ANTXR1: variants seen among roughly 807,000 people sequenced by gnomAD.
ANTXR1 encodes ANTXR cell adhesion molecule 1.
ANTXR1 carries 19 observed loss-of-function variants against 78.1 expected under a neutral mutation model. That is an observed-to-expected ratio of 0.24 (90% CI 0.17 to 0.36). The LOEUF (loss-of-function observed/expected upper bound fraction) is 0.36. Among genes scored for constraint, ANTXR1 ranks in the 10% least tolerant of loss-of-function variants. The pLI, the probability that ANTXR1 is intolerant of heterozygous loss-of-function variation, is 1.00. For missense variants in ANTXR1, 518 were observed against 718.6 expected (o/e 0.72, Z 3.19); for synonymous variants, 273 against 260.5 (o/e 1.05, Z -0.46).
intron 14 of ANTXR1, among the ~76,000 whole-genome samples, chr2:69,175,928 T>C (rs1202017264): frequency 2.0e-5 from 3 of 152,142 alleles, no homozygotes; most frequent in Non-Finnish European, 4.4e-5. Context: ...CAGGGCCAGA[T>C]AAGTTGAACT....
At chr2:69,145,390 C>G in intron 12 of ANTXR1, 1 of 1,589,796 alleles carries the variant, frequency 6.3e-7, no homozygotes, top group Admixed American at 1.8e-5. Flanking sequence ...AGAATACCGC[C>G]TGCTCCCTCC....
At chr2:69,231,360 T>C (rs1191237723) in intron 17 of ANTXR1, among the ~76,000 whole-genome samples, 1 of 152,042 alleles carries the variant, frequency 6.6e-6, no homozygotes, top group African/African-American at 2.4e-5. Context: ...TCCTAGTCCA[T>C]CAGGCAATGA....
At chr2:69,113,637 T>G (rs1672056920) in intron 10 of ANTXR1, among the ~76,000 whole-genome samples, 1 of 152,212 alleles carries the variant, frequency 6.6e-6, no homozygotes, top group African/African-American at 2.4e-5. Context: ...CAGTCAGCAT[T>G]TGCCATAACC....
intron 12 of ANTXR1, chr2:69,145,353 A>T: frequency 6.2e-7 from 1 of 1,600,036 alleles, no homozygotes; most frequent in South Asian, 1.1e-5. Flanking sequence ...ATCAGGCCCC[A>T]CAACAGCTGC....
At chr2:69,137,876 G>A (rs1240592710) in intron 12 of ANTXR1, among the ~76,000 whole-genome samples, 1 of 151,642 alleles carries the variant, frequency 6.6e-6, no homozygotes, top group Non-Finnish European at 1.5e-5. Context: ...CTGGGGTCAG[G>A]AGTTCGAGAT....
intron 12 of ANTXR1, among the ~76,000 whole-genome samples, chr2:69,136,044 AT>A (rs1349116432): frequency 6.6e-6 from 1 of 152,152 alleles, no homozygotes; most frequent in Non-Finnish European, 1.5e-5. Flanking sequence ...TAAAATTGAT[AT>A]GTTTCAGATC....
intron 12 of ANTXR1, among the ~76,000 whole-genome samples, chr2:69,125,614 A>C (rs777276075): frequency 6.6e-6 from 1 of 152,122 alleles, no homozygotes; most frequent in Non-Finnish European, 1.5e-5. Context: ...GCTGAGGTGC[A>C]TGGATCACTT....
intron 2 of ANTXR1, among the ~76,000 whole-genome samples, chr2:69,043,008 T>G (rs1345176971): frequency 6.6e-6 from 1 of 152,212 alleles, no homozygotes; most frequent in East Asian, 1.9e-4. Context: ...TTTGCCCACA[T>G]CAGTACGCTG....
intron 8 of ANTXR1, among the ~76,000 whole-genome samples, chr2:69,090,434 T>G (rs971466436): frequency 6.6e-6 from 1 of 152,072 alleles, no homozygotes; most frequent in African/African-American, 2.4e-5. Context: ...CTAGCATACC[T>G]GCCCCAGCAT....
chr2:69,091,047 T>G lies in ANTXR1; in HGVS notation c.703+128T>G, dbSNP rs192640861. ...GAAGGGGTAGGGTGAAAAGAGGAGC[T>G]GAAATTGCTAACCAAATTTGCTCCA... On this transcript the variant is annotated intron_variant, in intron 9 of 17. Transcript: ENST00000303714. 5,140 of 922,842 alleles carry G rather than the reference T, an allele frequency of 5.6e-3. 25 individuals carry two copies. Among genetic ancestry groups the G allele is most frequent in the Non-Finnish European group, 7.4e-3 (4,351 of 588,720 alleles). The allele number at this position is 922,842 out of a possible 1,614,324, so 57.2% of individuals were successfully genotyped here.
intron 12 of ANTXR1, among the ~76,000 whole-genome samples, chr2:69,142,822 T>A (rs563457710): frequency 3.9e-4 from 59 of 151,744 alleles, no homozygotes; most frequent in Non-Finnish European, 7.4e-4. Context: ...GCACAAAGTG[T>A]GAGGAGGGAG....
At chr2:69,017,900 G>A (rs747744711) in intron 1 of ANTXR1, among the ~76,000 whole-genome samples, 33 of 151,940 alleles carry the variant, frequency 2.2e-4, no homozygotes, top group Non-Finnish European at 4.1e-4. Context: ...CTCTCTCACA[G>A]CACCCCCCCA....
intron 13 of ANTXR1, among the ~76,000 whole-genome samples, chr2:69,156,498 G>A (rs1673527446): frequency 6.6e-6 from 1 of 152,082 alleles, no homozygotes; most frequent in African/African-American, 2.4e-5. Context: ...CTACTACAAA[G>A]ACATATACCT....
At chr2:69,133,998 C>T (rs778223204) in intron 12 of ANTXR1, among the ~76,000 whole-genome samples, 13 of 152,148 alleles carry the variant, frequency 8.5e-5, no homozygotes, top group Non-Finnish European at 1.8e-4. Context: ...GATGCCCAAT[C>T]TTAGTTTTCT....
At position 69,248,756 on chromosome 2, in the gene ANTXR1, A is replaced by G. The variant is rs1482726126; in HGVS notation, c.*3271A>G. 1 of 152,204 alleles carries G rather than the reference A, an allele frequency of 6.6e-6. No homozygotes were observed. Among genetic ancestry groups the G allele is most frequent in the African/African-American group, 2.4e-5 (1 of 41,450 alleles). 9.4% of individuals were successfully genotyped at this position (152,204 alleles called of 1,614,324 possible). A position where few individuals can be genotyped will look rare whatever the true frequency, so the allele number is the denominator to read the frequency against. ...TTATAAGATGATAAGCAAATGTTTC[A>G]GCCCAATGTCAACCCAGTTAAAAAA... is the stretch of plus-strand genomic sequence containing the variant. On this transcript the variant is annotated 3_prime_UTR_variant, in exon 18 of 18. Coordinates refer to ENST00000303714, the MANE Select transcript of ANTXR1 (RefSeq NM_032208.3).
intron 1 of ANTXR1, among the ~76,000 whole-genome samples, chr2:69,021,586 G>C (rs1671192639): frequency 1.3e-5 from 2 of 152,152 alleles, no homozygotes; most frequent in Admixed American, 1.3e-4. Flanking sequence ...GCCATGAAAT[G>C]CTCCAGCCAG....
intron 10 of ANTXR1, among the ~76,000 whole-genome samples, chr2:69,103,938 A>ATTT (rs72060440): frequency 0.13 from 17,071 of 133,710 alleles, 1,874 homozygotes; most frequent in African/African-American, 0.27. Flanking sequence ...CTGATAGCCT[A>ATTT]TTTTTTTTTT....
chr2:69,207,374 C>T (rs1329204438), intron 17 of ANTXR1, among the ~76,000 whole-genome samples: 2 of 152,092 alleles, frequency 1.3e-5, no homozygotes, highest in Non-Finnish European at 2.9e-5. Context: ...CATGAAAAAA[C>T]GCAGCTTTCC....
At chr2:69,082,045 A>T (rs986987310) in intron 8 of ANTXR1, among the ~76,000 whole-genome samples, 1 of 152,238 alleles carries the variant, frequency 6.6e-6, no homozygotes. Flanking sequence ...CTACTAAACA[A>T]TGCAGGCAGG....
Sources: allele counts gnomAD v4.1 joint callset (sites outside exome capture counted in the v4.1 genomes callset), GRCh38; gene constraint gnomAD v4.1.1; transcripts MANE v1.5; gene names NCBI Gene and HGNC (gene_info 2026-07-23, HGNC 2026-07-21).